NIPSNAP3B: variants seen among roughly 807,000 people sequenced by gnomAD.
NIPSNAP3B encodes the protein protein NipSnap homolog 3B.
A neutral mutation model predicts 31.5 loss-of-function variants in NIPSNAP3B; 30 were observed. That is an observed-to-expected ratio of 0.95 (90% CI 0.71 to 1.29). NIPSNAP3B has a LOEUF of 1.29. NIPSNAP3B is among the 50% of genes most tolerant of loss of function. NIPSNAP3B has a pLI of 0.00. For synonymous variants in NIPSNAP3B, 106 were observed against 107.9 expected (o/e 0.98, Z 0.11); for missense variants, 269 against 300.7 (o/e 0.89, Z 0.78).
chr9:104,772,298 G>T (rs1261914355), intron 4 of NIPSNAP3B, among the ~76,000 whole-genome samples: 2 of 94,086 alleles, frequency 2.1e-5, no homozygotes, highest in Admixed American at 1.3e-4. Flanking sequence ...TGGTGTCTTT[G>T]TCATTCAAAA....
chr9:104,779,107 G>A (rs1318979597), downstream of NIPSNAP3B, among the ~76,000 whole-genome samples: 12 of 152,110 alleles, frequency 7.9e-5, no homozygotes, highest in African/African-American at 2.9e-4. Flanking sequence ...CACCCACCTT[G>A]AAAGGCTGCT....
At chr9:104,782,490 A>C (rs917390496), downstream of NIPSNAP3B, 8 of 152,286 alleles carry the variant, frequency 5.3e-5, no homozygotes, top group African/African-American at 1.4e-4. Context: ...TAGTTCTCTC[A>C]TATTTTTCTT....
intron 1 of NIPSNAP3B, among the ~76,000 whole-genome samples, chr9:104,765,534 T>C (rs1400767049): frequency 7.2e-5 from 11 of 152,228 alleles, no homozygotes; most frequent in Admixed American, 5.2e-4. Context: ...AATTTACCCA[T>C]TGGGCATATG....
At chr9:104,787,646 T>C in the NIPSNAP3B span, among the ~76,000 whole-genome samples, 1 of 152,190 alleles carries the variant, frequency 6.6e-6, no homozygotes, top group Non-Finnish European at 1.5e-5. Context: ...TTAGAAAGAA[T>C]GTTCCAGAGA....
the NIPSNAP3B span, chr9:104,786,190 G>A: frequency 1.1e-6 from 1 of 927,898 alleles, no homozygotes; most frequent in Non-Finnish European, 1.7e-6. Context: ...ATACTGTTTT[G>A]CTCAGTTTTA....
the NIPSNAP3B span, among the ~76,000 whole-genome samples, chr9:104,785,943 T>C: frequency 2.0e-5 from 3 of 152,194 alleles, no homozygotes; most frequent in African/African-American, 7.2e-5. Context: ...GAGCTCATAA[T>C]TGGTAGGGCC....
chr9:104,790,877 A>C, the NIPSNAP3B span: 1 of 1,321,774 alleles, frequency 7.6e-7, no homozygotes, highest in East Asian at 2.3e-5. Context: ...AAATAAATTA[A>C]AAACAAAGTC....
At chr9:104,788,533 T>C in the NIPSNAP3B span, 2 of 1,614,200 alleles carry the variant, frequency 1.2e-6, no homozygotes. Flanking sequence ...CAGTAGCCCA[T>C]GTTCTGATGT....
intron 1 of NIPSNAP3B, among the ~76,000 whole-genome samples, chr9:104,765,235 C>G (rs193122288): frequency 3.7e-4 from 56 of 152,320 alleles, no homozygotes; most frequent in African/African-American, 1.2e-3. Context: ...ACACAAACTA[C>G]ATAGACATTT....
the NIPSNAP3B span, chr9:104,784,357 T>C: frequency 1.5e-5 from 25 of 1,614,000 alleles, no homozygotes; most frequent in East Asian, 4.7e-4. Context: ...GTAGAAAAGA[T>C]GTGAGAACTG....
chr9:104,784,709 C>T, the NIPSNAP3B span, among the ~76,000 whole-genome samples: 1 of 152,088 alleles, frequency 6.6e-6, no homozygotes, highest in Non-Finnish European at 1.5e-5. Context: ...AGTGGCGAGA[C>T]CTTGGCTCAC....
In NIPSNAP3B at chr9:104,770,915, A is replaced by T; in HGVS notation, c.497A>T (p.Glu166Val). The T allele has an allele frequency of 1.2e-6, 2 of 1,613,954 alleles. No individual in the cohort carries two copies. Among genetic ancestry groups the T allele is most frequent in the Non-Finnish European group, 8.5e-7 (1 of 1,179,826 alleles). The change falls in exon 4 of 6, where the codon GAA (glutamate) becomes GTA (valine). Residue 166 changes from glutamate (E) to valine (V), a missense_variant. Glu to Val is a moderately radical substitution (Grantham distance 121). Transcript: ENST00000374762. Reference sequence around the variant, plus strand: ...CCAGCTCTGTGGGGTGATGCATTTGAAAGAGCAATTAATGCCCATGTCAAT... The same window carrying T: ...CCAGCTCTGTGGGGTGATGCATTTGTAAGAGCAATTAATGCCCATGTCAAT... ...GGPALWGDAF[E>V]RAINAHVNLG...
the NIPSNAP3B span, chr9:104,787,029 A>G: frequency 2.0e-6 from 3 of 1,535,126 alleles, no homozygotes; most frequent in Non-Finnish European, 2.7e-6. Context: ...AAAATCAAAG[A>G]TAAATTTGTT....
intron 1 of NIPSNAP3B, 48 bp downstream of exon 1, chr9:104,764,348 G>A: frequency 2.0e-6 from 3 of 1,466,314 alleles, no homozygotes; most frequent in Non-Finnish European, 2.8e-6. Flanking sequence ...GGGGAGGGGA[G>A]GGGCGGGGGG....
chr9:104,770,346 C>T (rs1229526179), intron 3 of NIPSNAP3B, among the ~76,000 whole-genome samples: 1 of 152,026 alleles, frequency 6.6e-6, no homozygotes, highest in Admixed American at 6.5e-5. Context: ...TCCTTAAAGG[C>T]TCAGACATGA....
chr9:104,765,985 G>A (rs78973029), intron 1 of NIPSNAP3B, among the ~76,000 whole-genome samples: 1,650 of 152,200 alleles, frequency 0.011, 28 homozygotes, highest in African/African-American at 0.038. Context: ...GCTAAACAGG[G>A]GAAAACCCTT....
At chr9:104,787,943 C>T in the NIPSNAP3B span, 13 of 1,613,978 alleles carry the variant, frequency 8.1e-6, no homozygotes, top group Admixed American at 3.3e-5. Context: ...GGAGGCCCGC[C>T]GATCAAAGCC....
the NIPSNAP3B span, chr9:104,786,824 G>C: frequency 6.7e-7 from 1 of 1,484,400 alleles, no homozygotes; most frequent in Non-Finnish European, 9.4e-7. Context: ...TATTCTACTT[G>C]GAAAGTTAAA....
chr9:104,786,219 G>T, the NIPSNAP3B span: 1 of 1,187,130 alleles, frequency 8.4e-7, no homozygotes. Context: ...TATGTTAGAG[G>T]CACCATTTAT....
Sources: allele counts gnomAD v4.1 joint callset (sites outside exome capture counted in the v4.1 genomes callset), GRCh38; gene constraint gnomAD v4.1.1; transcripts MANE v1.5; gene names NCBI Gene and HGNC (gene_info 2026-07-23, HGNC 2026-07-21).